CXCR3: variants seen among roughly 807,000 people sequenced by gnomAD.
CXCR3 encodes the protein C-X-C chemokine receptor type 3.
For synonymous variants in CXCR3, 136 were observed against 148.0 expected (o/e 0.92, Z 0.59); for missense variants, 239 against 310.2 (o/e 0.77, Z 1.72).
rs754783709 is a variant in CXCR3 at position 71,617,369 on chromosome X, C to T, written c.103G>A (p.Asp35Asn). ...SSYDYGENESDSCCTSPPCPQ... is the reference protein window; with the variant it reads ...SSYDYGENESNSCCTSPPCPQ... Reference sequence around the variant, plus strand: ...CAGGGCGGGGAGGTACAGCACGAGTCACTCTCGTTTTCTCCATAGTCATAG... The same window carrying T: ...CAGGGCGGGGAGGTACAGCACGAGTTACTCTCGTTTTCTCCATAGTCATAG... Residue 35 changes from aspartate (D) to asparagine (N), a missense_variant, in exon 2 of 2, where the codon GAC becomes AAC. Transcript: ENST00000373693. The T allele has an allele frequency of 1.7e-6, 2 of 1,211,674 alleles. No individual in the cohort carries two copies.
rs780084350 is a variant in CXCR3, at chrX:71,618,389, G to A, written c.12+49C>T. On this transcript the variant is annotated intron_variant, in intron 1 of 1. Transcript: ENST00000373693. ...CCCTGGCATTCCCCTGATGCCCCGG[G>A]TTTTCCACTTCGAATTCTGGCCTGG... 11 of 1,211,671 alleles carry A rather than the reference G, an allele frequency of 9.1e-6. No homozygotes were observed. In the South Asian group the frequency reaches 1.8e-4, roughly 19 times the overall value.
chrX:71,617,615 G>A (rs758098558), intron 1 of CXCR3, 156 bp from the exon 2 acceptor site: 371 of 1,124,851 alleles, frequency 3.3e-4, no homozygotes, highest in Middle Eastern at 2.7e-3. Context: ...AACTCCATCC[G>A]CTCAGCCTGG....
intron 1 of CXCR3, chrX:71,617,759 C>T (rs2040864595): frequency 1.0e-6 from 1 of 1,001,662 alleles, no homozygotes; most frequent in East Asian, 3.5e-5. Flanking sequence ...GCCCACTGTC[C>T]TCTCTCTCCC....
chrX:71,617,690 C>G, intron 1 of CXCR3: 2 of 1,096,218 alleles, frequency 1.8e-6, no homozygotes, highest in African/African-American at 1.9e-5. Context: ...GTGATCCCAT[C>G]GGCCCAGGGA....
intron 1 of CXCR3, chrX:71,617,667 C>T (rs1362762217): frequency 5.4e-6 from 6 of 1,101,377 alleles, no homozygotes; most frequent in South Asian, 2.3e-5. Flanking sequence ...CTGCTTCTCT[C>T]GCATTCTTCT....
At chrX:71,618,334 A>T (rs1425356350) in intron 1 of CXCR3, 104 bp downstream of exon 1, 1 of 1,191,010 alleles carries the variant, frequency 8.4e-7, no homozygotes. Flanking sequence ...TACTCACCCA[A>T]CCCTGTGGTG....
chrX:71,618,091 C>G (rs113647907), intron 1 of CXCR3, among the ~76,000 whole-genome samples: 1,094 of 107,588 alleles, frequency 0.01, 12 homozygotes, highest in African/African-American at 0.034. Flanking sequence ...TCCCCTCACC[C>G]CCAGCACTAT....
rs368019964 is a variant in CXCR3 at position 71,617,470 on chromosome X, G to A, written c.13-11C>T. The A allele has an allele frequency of 2.0e-5, 24 of 1,210,473 alleles. No individual in the cohort carries two copies. Among genetic ancestry groups the A allele is most frequent in the Non-Finnish European group, 2.6e-5 (23 of 894,910 alleles). ...TTGGTGGTCACTCACCTGTGAGGGC[G>A]GGAACGGGGAGGAAGGGGCTGTGTA... On this transcript the variant is annotated splice_polypyrimidine_tract_variant and intron_variant, in intron 1 of 1. Transcript: ENST00000373693.
rs772681342 is a variant in CXCR3 at position 71,616,496 on chromosome X, G to C, written c.976C>G (p.Arg326Gly). The change falls in exon 2 of 2, where the codon CGG becomes GGG. Residue 326 changes from arginine (R) to glycine (G), a missense_variant. Transcript: ENST00000373693. ...AAGAGCAGCATCCACATCCGCTCCC[G>C]GAACTTGACCCCTACAAAGGCATAG... Reference protein sequence around the residue: ...LLYAFVGVKFRERMWMLLLRL... With the variant: ...LLYAFVGVKFGERMWMLLLRL... 8.3e-7 allele frequency: 1 copy of C among 1,211,291 alleles called. No individual in the cohort carries two copies. The highest frequency in any genetic ancestry group is 1.1e-6 in the Non-Finnish European group (1 of 895,120).
chrX:71,616,341 G>A lies in CXCR3; in HGVS notation c.*24C>T, dbSNP rs935920254. 5.2e-6 allele frequency: 6 copies of A among 1,161,325 alleles called. No homozygotes were observed. Among genetic ancestry groups the A allele is most frequent in the East Asian group, 3.1e-5 (1 of 32,698 alleles). ...AATGCGGGGAAGTCAGACTGTGGGCGAAAGGGGAGCCCGGATTCCGGCCTC... is the reference window on the plus strand; with the variant it reads ...AATGCGGGGAAGTCAGACTGTGGGCAAAAGGGGAGCCCGGATTCCGGCCTC... On this transcript the variant is annotated 3_prime_UTR_variant, in exon 2 of 2. Coordinates refer to ENST00000373693, the MANE Select transcript of CXCR3 (RefSeq NM_001504.2).
chrX:71,617,800 C>T, intron 1 of CXCR3: 2 of 729,694 alleles, frequency 2.7e-6, no homozygotes, highest in East Asian at 3.8e-5. Flanking sequence ...CTTGCGTCCT[C>T]AGTGCCCCAC....
rs779120264 is a variant in CXCR3, at chrX:71,616,409, A to C, written c.1063T>G (p.Ser355Ala). Residue 355 changes from serine (S) to alanine (A), a missense_variant, in exon 2 of 2, where the codon TCA becomes GCA. Coordinates refer to ENST00000373693, the MANE Select transcript of CXCR3 (RefSeq NM_001504.2). ...GCCTCTGAGGTCTCAGACCAGGATG[A>C]ATCCCGGCGGGAAGACGATGGCTGC... ...QRQPSSSRRD[S>A]SWSETSEASY... 8.3e-7 allele frequency: 1 copy of C among 1,207,192 alleles called. No homozygotes were observed. The highest frequency in any genetic ancestry group is 2.2e-5 in the Admixed American group (1 of 45,696).
Position 71,616,081 on chromosome X carries a change from C to T in CXCR3, c.*284G>A, listed in dbSNP as rs980374859. The T allele has an allele frequency of 3.0e-6, 1 of 338,671 alleles. No individual in the cohort carries two copies. The highest frequency in any genetic ancestry group is 5.1e-6 in the Non-Finnish European group (1 of 196,354). The allele number at this position is 338,671 out of a possible 1,213,427, so 27.9% of individuals were successfully genotyped here. On this transcript the variant is annotated 3_prime_UTR_variant, in exon 2 of 2. Transcript: ENST00000373693. ...CACCCTCTACGCCATGCCTTGTACT[C>T]CCCGCACTTGGGGAAGATGAAGTTT...
chrX:71,618,423 G>A lies in CXCR3; in HGVS notation c.12+15C>T. 1 of 1,210,529 alleles carries A rather than the reference G, an allele frequency of 8.3e-7. No homozygotes were observed. The highest frequency in any genetic ancestry group is 1.7e-5 in the African/African-American group (1 of 57,826). On this transcript the variant is annotated intron_variant, in intron 1 of 1. Transcript: ENST00000373693. ...TTCGAATTCTGGCCTGGCCTGGCTG[G>A]GCAGCAGCACTTACCTCAAGGACCA...
rs746424603 is a variant in CXCR3 at position 71,616,683 on chromosome X, G to A, written c.789C>T (p.Ala263=). 8.3e-7 allele frequency: 1 copy of A among 1,210,872 alleles called. No homozygotes were observed. Among genetic ancestry groups the A allele is most frequent in the Non-Finnish European group, 1.1e-6 (1 of 895,090 alleles). The change falls in exon 2 of 2, where the codon GCC becomes GCT. Residue 263 remains alanine, a synonymous_variant. Coordinates refer to ENST00000373693, the MANE Select transcript of CXCR3 (RefSeq NM_001504.2). ...GATAGGGGGTCCAGCAGAGGGCAAA[G>A]GCCACCACGACCACCACCACCAGCC... ...AMRLVVVVVV[A]FALCWTPYHL...
chrX:71,617,843 AGCGCCTCTCCACAATCCCCTTTTC>A, intron 1 of CXCR3: 1 of 433,745 alleles, frequency 2.3e-6, no homozygotes, highest in Non-Finnish European at 3.5e-6. Context: ...CTTCCTCCCC[AGCGCCTCTCCACAATCCCCTTTTC>A]CAGTCACTAA....
At position 71,616,579 on chromosome X, in the gene CXCR3, A is replaced by G. The variant is rs1185876019; in HGVS notation, c.893T>C (p.Val298Ala). 1 of 1,210,298 alleles carries G rather than the reference A, an allele frequency of 8.3e-7. No individual in the cohort carries two copies. Among genetic ancestry groups the G allele is most frequent in the African/African-American group, 1.7e-5 (1 of 57,324 alleles). Residue 298 changes from valine to alanine, a missense_variant, in exon 2 of 2, where the codon GTG becomes GCG. Physicochemically the swap from Val to Ala is moderately conservative, Grantham distance 64 (BLOSUM62 0). Coordinates refer to ENST00000373693, the MANE Select transcript of CXCR3 (RefSeq NM_001504.2). ...CAGGCCTGAGGTGACCGACTTGGCC[A>G]CGTCTACCCTGCTTTCTCGGCCACA... ...RNCGRESRVD[V>A]AKSVTSGLGY...
chrX:71,616,773 G>A lies in CXCR3; in HGVS notation c.699C>T (p.Tyr233=), dbSNP rs1266483083. 7 of 1,205,148 alleles carry A rather than the reference G, an allele frequency of 5.8e-6. No homozygotes were observed. The highest frequency in any genetic ancestry group is 6.7e-6 in the Non-Finnish European group (6 of 892,697). Residue 233 remains tyrosine (Y), a synonymous_variant, in exon 2 of 2, where the codon TAC becomes TAT. Coordinates refer to ENST00000373693, the MANE Select transcript of CXCR3 (RefSeq NM_001504.2). ...GCACGGCCAGGATGTGGGCATAGCA[G>A]TAGGCCATGACCAGCAGGGGCAGCA... is the stretch of plus-strand genomic sequence containing the variant. ...GFLLPLLVMA[Y]CYAHILAVLL... is the part of the protein sequence containing the mutation.
At position 71,617,207 on chromosome X, in the gene CXCR3, C is replaced by T; in HGVS notation, c.265G>A (p.Asp89Asn). The change falls in exon 2 of 2, where the codon GAC becomes AAC. Residue 89 changes from aspartate (D) to asparagine (N), a missense_variant. Asp to Asn is a conservative substitution (Grantham distance 23, BLOSUM62 1). Transcript: ENST00000373693. ...ACAGCTAGGTGGAGCAGGAAGGTGT[C>T]GGTGCTGCTCAGGGCTGTCCGCCGG... is the stretch of plus-strand genomic sequence containing the variant. ...LSRRTALSSTDTFLLHLAVAD... is the reference protein window; with the variant it reads ...LSRRTALSSTNTFLLHLAVAD... The T allele has an allele frequency of 1.7e-6, 2 of 1,203,175 alleles. No homozygotes were observed. Among genetic ancestry groups the T allele is most frequent in the Admixed American group, 2.2e-5 (1 of 44,855 alleles).
Sources: allele counts gnomAD v4.1 joint callset (sites outside exome capture counted in the v4.1 genomes callset), GRCh38; gene constraint gnomAD v4.1.1; transcripts MANE v1.5; gene names NCBI Gene and HGNC (gene_info 2026-07-23, HGNC 2026-07-21).